Variants in NGF observed in about 807,000 individuals in gnomAD.
NGF encodes nerve growth factor, also known as beta-nerve growth factor.
A neutral mutation model predicts 12.8 loss-of-function variants in NGF; 4 were observed. That is an observed-to-expected ratio of 0.31 (90% CI 0.15 to 0.72). The LOEUF (loss-of-function observed/expected upper bound fraction) is 0.72. Among genes scored for constraint, NGF ranks in the 30% least tolerant of loss-of-function variants. NGF has a pLI of 0.69. For missense variants in NGF, 283 were observed against 330.8 expected (o/e 0.86, Z 1.12); for synonymous variants, 140 against 130.0 (o/e 1.08, Z -0.52).
chr1:115,332,155 T>C (rs1359341982), intron 1 of NGF, among the ~76,000 whole-genome samples: 1 of 152,314 alleles, frequency 6.6e-6, no homozygotes, highest in East Asian at 1.9e-4. Context: ...AAGCAAAACA[T>C]TCTTAAAGCT....
chr1:115,320,037 C>G (rs1654575903), intron 1 of NGF, among the ~76,000 whole-genome samples: 1 of 152,176 alleles, frequency 6.6e-6, no homozygotes, highest in Non-Finnish European at 1.5e-5. Flanking sequence ...GGCCCAGGGT[C>G]TGAAATAAAC....
Position 115,286,241 on chromosome 1 carries a change from A to T in NGF, c.555T>A (p.Val185=). The T allele has an allele frequency of 6.2e-7, 1 of 1,614,198 alleles. No individual in the cohort carries two copies. The highest frequency in any genetic ancestry group is 1.1e-5 in the South Asian group (1 of 91,062). The part of the protein sequence containing the change: ...FETKCRDPNP[V]DSGCRGIDSK... ...AGTCAATGCCCCGGCACCCGCTGTC[A>T]ACGGGATTTGGGTCCCGGCACTTGG... The change falls in exon 3 of 3, where the codon GTT becomes GTA. Residue 185 remains valine (V), a synonymous_variant. Transcript: ENST00000369512.
At chr1:115,329,124 AGAAGAAGAGAAGGAGAG>A (rs979267242) in intron 1 of NGF, among the ~76,000 whole-genome samples, 1 of 151,888 alleles carries the variant, frequency 6.6e-6, no homozygotes, top group Non-Finnish European at 1.5e-5. Context: ...AGGAGGAGGA[AGAAGAAGAGAAGGAGAG>A]GAAGAAGAGA....
chr1:115,315,494 T>C (rs1045550252), intron 1 of NGF, among the ~76,000 whole-genome samples: 19 of 152,104 alleles, frequency 1.2e-4, no homozygotes, highest in Non-Finnish European at 2.8e-4. Context: ...CCAAGCTTTT[T>C]GGCACCCAGC....
chr1:115,334,257 C>T (rs1370561198), intron 1 of NGF, among the ~76,000 whole-genome samples: 3 of 152,134 alleles, frequency 2.0e-5, no homozygotes, highest in Non-Finnish European at 4.4e-5. Context: ...GTGTTGGGGG[C>T]TTCTGCTTCA....
chr1:115,314,507 T>C (rs1557943111), intron 1 of NGF, among the ~76,000 whole-genome samples: 1 of 152,234 alleles, frequency 6.6e-6, no homozygotes, highest in Non-Finnish European at 1.5e-5. Context: ...TCACAAAATC[T>C]GTGGCTAGTG....
intron 1 of NGF, among the ~76,000 whole-genome samples, chr1:115,295,359 G>A (rs1368967791): frequency 6.6e-6 from 1 of 152,090 alleles, no homozygotes; most frequent in Non-Finnish European, 1.5e-5. Context: ...ACTCAATTGG[G>A]GTTGAAGGCT....
At chr1:115,335,306 G>A (rs570263164) in intron 1 of NGF, among the ~76,000 whole-genome samples, 2 of 152,348 alleles carry the variant, frequency 1.3e-5, no homozygotes, top group East Asian at 3.9e-4. Flanking sequence ...GCTATTTGGA[G>A]TTAGGATCTT....
At chr1:115,296,726 T>C (rs1653881882) in intron 1 of NGF, among the ~76,000 whole-genome samples, 1 of 152,232 alleles carries the variant, frequency 6.6e-6, no homozygotes, top group Non-Finnish European at 1.5e-5. Flanking sequence ...CTGTCCACAA[T>C]AATGAAACTC....
intron 1 of NGF, among the ~76,000 whole-genome samples, chr1:115,333,260 A>T (rs1284742839): frequency 1.3e-5 from 2 of 152,174 alleles, no homozygotes; most frequent in Non-Finnish European, 2.9e-5. Flanking sequence ...CTTCGTGGTT[A>T]TTGGGAAACT....
chr1:115,302,183 C>T (rs1469827048), intron 1 of NGF, among the ~76,000 whole-genome samples: 1 of 152,228 alleles, frequency 6.6e-6, no homozygotes, highest in Admixed American at 6.5e-5. Flanking sequence ...GGTCCCAATT[C>T]ACCTTCTTGG....
intron 1 of NGF, among the ~76,000 whole-genome samples, chr1:115,294,280 C>G (rs1026122794): frequency 6.6e-6 from 1 of 152,162 alleles, no homozygotes; most frequent in Non-Finnish European, 1.5e-5. Context: ...CAGAATCAGA[C>G]AGGAATCTCA....
chr1:115,286,912 G>A (rs1653529519), intron 2 of NGF, 105 bp from the exon 3 acceptor site: 3 of 1,401,182 alleles, frequency 2.1e-6, no homozygotes, highest in Non-Finnish European at 3.0e-6. Context: ...TCACGAAGAG[G>A]TTTCATTCAA....
At chr1:115,326,570 G>A (rs1287310074) in intron 1 of NGF, among the ~76,000 whole-genome samples, 2 of 152,122 alleles carry the variant, frequency 1.3e-5, no homozygotes, top group Non-Finnish European at 2.9e-5. Flanking sequence ...TTTTTCTGTG[G>A]TGTTCTTGGC....
chr1:115,286,375 C>G lies in NGF; in HGVS notation c.421G>C (p.Val141Leu), dbSNP rs199511298. 1.2e-5 allele frequency: 19 copies of G among 1,613,894 alleles called. No individual in the cohort carries two copies. Among genetic ancestry groups the G allele is most frequent in the Admixed American group, 3.3e-5 (2 of 59,992 alleles). ...GEFSVCDSVS[V>L]WVGDKTTATD... is the part of the protein sequence containing the mutation. ...GCGGTGGTCTTATCCCCAACCCACA[C>G]GCTGACACTGTCACACACCGAGAAT... The change falls in exon 3 of 3, where the codon GTG becomes CTG. Residue 141 changes from valine to leucine, a missense_variant. By Grantham distance (32) the Val-to-Leu change is conservative. This residue lies in a region of NGF where 132 missense variants were observed against 189.2 expected (regional missense o/e 0.70). Coordinates refer to ENST00000369512, the MANE Select transcript of NGF (RefSeq NM_002506.3).
At chr1:115,324,239 T>C (rs963908106) in intron 1 of NGF, among the ~76,000 whole-genome samples, 2 of 152,216 alleles carry the variant, frequency 1.3e-5, no homozygotes, top group Non-Finnish European at 2.9e-5. Flanking sequence ...AAGACTGTCC[T>C]GGAACTAACT....
At chr1:115,290,544 C>T (rs912463177) in intron 2 of NGF, among the ~76,000 whole-genome samples, 27 of 151,624 alleles carry the variant, frequency 1.8e-4, no homozygotes, top group Non-Finnish European at 2.9e-4. Context: ...TACAGGCACA[C>T]GCCGCCACGC....
At chr1:115,306,281 T>A (rs917967052) in intron 1 of NGF, among the ~76,000 whole-genome samples, 5 of 152,238 alleles carry the variant, frequency 3.3e-5, no homozygotes, top group African/African-American at 1.2e-4. Flanking sequence ...CCTTGGTGGA[T>A]GAACATTCAG....
intron 1 of NGF, among the ~76,000 whole-genome samples, chr1:115,329,453 G>A (rs539730850): frequency 6.6e-6 from 1 of 152,252 alleles, no homozygotes; most frequent in Admixed American, 6.5e-5. Context: ...AGAGCCATCC[G>A]CTGTTCGAAA....
Sources: gnomAD v4.1 joint callset for allele counts (sites outside exome capture counted in the v4.1 genomes callset) on GRCh38, gnomAD v4.1.1 for gene constraint, gnomAD v4.1.1 regional missense constraint, MANE v1.5 for transcripts, NCBI Gene and HGNC (gene_info 2026-07-23, HGNC 2026-07-21) for gene names.